The following CUX1 variants were observed in gnomAD, a reference collection of about 807,000 sequenced individuals.
CUX1 encodes the protein cut like homeobox 1, also known as protein CASP.
CUX1 carries 31 observed loss-of-function variants against 158.8 expected under a neutral mutation model. The observed-to-expected ratio is 0.20, with a 90% confidence interval of 0.15 to 0.26. The LOEUF is 0.26. CUX1 is among the 10% of genes least tolerant of loss of function. The probability of loss-of-function intolerance (pLI) is 1.00; values close to 1 mark genes in which losing one functional copy is unlikely to be tolerated. For synonymous variants in CUX1, 879 were observed against 862.1 expected (o/e 1.02, Z -0.34); for missense variants, 1,589 against 2,014.6 (o/e 0.79, Z 4.04).
Position 102,178,487 on chromosome 7 carries a change from C to G in CUX1, c.847C>G (p.Leu283Val). 2 of 1,608,304 alleles carry G rather than the reference C, an allele frequency of 1.2e-6. No homozygotes were observed. Among genetic ancestry groups the G allele is most frequent in the Non-Finnish European group, 1.7e-6 (2 of 1,175,460 alleles). ...TCCCCAGGAGCAGGCCATAGAGGTG[C>G]TGACCCGCTCCAGCCTAGAAGTTGA... is the stretch of plus-strand genomic sequence containing the variant. ...APDVEQAIEV[L>V]TRSSLEVELA... The change falls in exon 11 of 24, where the codon CTG (leucine) becomes GTG (valine). Residue 283 changes from leucine to valine, a missense_variant. By Grantham distance (32) the Leu-to-Val change is conservative. Transcript: ENST00000292535.
intron 8 of CUX1, among the ~76,000 whole-genome samples, chr7:102,150,310 C>T (rs181386265): frequency 6.6e-6 from 1 of 152,258 alleles, no homozygotes; most frequent in East Asian, 1.9e-4. Flanking sequence ...CGCTCGCCAC[C>T]ATGCCCGGCT....
Position 102,254,448 on chromosome 7 carries a change from C to A in CUX1, c.*5406C>A, listed in dbSNP as rs1301978141. 5 of 985,522 alleles carry A rather than the reference C, an allele frequency of 5.1e-6. No individual in the cohort carries two copies. The highest frequency in any genetic ancestry group is 6.0e-6 in the Non-Finnish European group (5 of 829,986). The allele number at this position is 985,522 out of a possible 1,614,324, so 61.0% of individuals were successfully genotyped here. The stretch of plus-strand genomic sequence containing the variant: ...ATGGCTTCCTCCAGCCTACACGCCC[C>A]GTCCACAGTGGCATCACCCTCTTAT... On this transcript the variant is annotated 3_prime_UTR_variant, in exon 24 of 24. Transcript: ENST00000292535.
At chr7:101,904,052 G>C (rs1371062110) in intron 1 of CUX1, among the ~76,000 whole-genome samples, 3 of 151,682 alleles carry the variant, frequency 2.0e-5, no homozygotes, top group Non-Finnish European at 4.4e-5. Flanking sequence ...CAGTACTTTG[G>C]GAGGCTGAGG....
At chr7:102,272,225 G>A (rs1203541131) in intron 14 of CUX1, among the ~76,000 whole-genome samples, 7 of 152,200 alleles carry the variant, frequency 4.6e-5, no homozygotes, top group Admixed American at 1.3e-4. Flanking sequence ...AGGAGCATGT[G>A]GGGGTGAGGC....
intron 9 of CUX1, among the ~76,000 whole-genome samples, chr7:102,167,339 G>T (rs1791163957): frequency 6.6e-6 from 1 of 152,036 alleles, no homozygotes; most frequent in South Asian, 2.1e-4. Flanking sequence ...TCAACAGCTA[G>T]ATCCCTTCTT....
At chr7:102,078,065 AATGTT>A (rs1826970205) in intron 4 of CUX1, among the ~76,000 whole-genome samples, 1 of 151,998 alleles carries the variant, frequency 6.6e-6, no homozygotes, top group Admixed American at 6.6e-5. Flanking sequence ...ACATCTTAGT[AATGTT>A]TTTGGGGGTT....
rs189205726 is a variant in CUX1 at position 102,067,325 on chromosome 7, G to A, written c.190-3014G>A. Reference sequence around the variant, plus strand: ...TCAGCTCACTGCATCCTCCACCTCCGGAGTACAAATGAAGCAATTCTCCTG... The same window carrying A: ...TCAGCTCACTGCATCCTCCACCTCCAGAGTACAAATGAAGCAATTCTCCTG... On this transcript the variant is annotated intron_variant, in intron 3 of 23. Transcript: ENST00000292535. Among the ~76,000 whole-genome samples, 688 of 138,382 alleles carry A rather than the reference G, an allele frequency of 5.0e-3. 5 individuals are homozygous for A. The highest frequency in any genetic ancestry group is 0.021 in the South Asian group (93 of 4,338). The allele number at this position is 138,382 out of a possible 152,430, so 90.8% of individuals were successfully genotyped here.
rs868956436 is a variant in CUX1, at chr7:102,253,670, G to A, written c.*4628G>A. ...GCAGAGAGATTTTGAACTGAGGGGC[G>A]ACAGCCTTTGCCTTAAATGCAGTAT... On this transcript the variant is annotated 3_prime_UTR_variant, in exon 24 of 24. Transcript: ENST00000292535. 29 of 985,018 alleles carry A rather than the reference G, an allele frequency of 2.9e-5. No homozygotes were observed. Among genetic ancestry groups the A allele is most frequent in the African/African-American group, 1.2e-4 (7 of 57,012 alleles). 61.0% of individuals were successfully genotyped at this position (985,018 alleles called of 1,614,324 possible). A position where few individuals can be genotyped will look rare whatever the true frequency, so the allele number is the denominator to read the frequency against.
At chr7:101,977,197 G>T (rs1249898285) in intron 2 of CUX1, among the ~76,000 whole-genome samples, 1 of 152,106 alleles carries the variant, frequency 6.6e-6, no homozygotes, top group Non-Finnish European at 1.5e-5. Flanking sequence ...ACAGGCGTGA[G>T]CCACTGCACC....
In CUX1 at chr7:102,110,228, G is replaced by A. The variant is rs189561350; in HGVS notation, c.531-1470G>A. 3.7e-4 allele frequency among the ~76,000 whole-genome samples: 56 copies of A among 152,018 alleles called. 2 individuals carry two copies. In the East Asian group the frequency reaches 6.2e-3, roughly 17 times the overall value. On this transcript the variant is annotated intron_variant, in intron 6 of 23. Coordinates refer to ENST00000292535, the MANE Select transcript of CUX1 (RefSeq NM_181552.4). Reference sequence around the variant, plus strand: ...ACTATAGTATCCTGCATATTAGTTCGTACTATGCTATAGTATATTTCATTC... The same window carrying A: ...ACTATAGTATCCTGCATATTAGTTCATACTATGCTATAGTATATTTCATTC...
chr7:101,917,186 G>A (rs1223493773), intron 2 of CUX1, among the ~76,000 whole-genome samples: 1 of 152,256 alleles, frequency 6.6e-6, no homozygotes, highest in East Asian at 1.9e-4. Context: ...TTCTAGGAGA[G>A]ATGCCCCTCT....
At chr7:102,278,698 T>TA (rs1791813449) in intron 18 of CUX1, among the ~76,000 whole-genome samples, 2 of 133,878 alleles carry the variant, frequency 1.5e-5, no homozygotes, top group South Asian at 2.3e-4. Context: ...TAAAATAAAA[T>TA]AATAAAATAG....
intron 1 of CUX1, among the ~76,000 whole-genome samples, chr7:101,911,372 ACCTTGG>A (rs757964017): frequency 0.013 from 1,603 of 121,278 alleles, 13 homozygotes; most frequent in Middle Eastern, 0.036. Flanking sequence ...GATGACCTGA[ACCTTGG>A]CCTTGGCCTT....
At chr7:101,941,785 T>C (rs1268634280) in intron 2 of CUX1, among the ~76,000 whole-genome samples, 3 of 152,224 alleles carry the variant, frequency 2.0e-5, no homozygotes, top group Admixed American at 2.0e-4. Flanking sequence ...GTGTTTTTAA[T>C]TACCCCACGA....
intron 3 of CUX1, among the ~76,000 whole-genome samples, chr7:102,029,343 G>C (rs990879047): frequency 5.3e-5 from 8 of 152,144 alleles, no homozygotes; most frequent in Admixed American, 5.2e-4. Context: ...CATGGGGGAA[G>C]GGACAGGAGA....
chr7:101,918,920 T>A (rs1804555175), intron 2 of CUX1, among the ~76,000 whole-genome samples: 1 of 152,148 alleles, frequency 6.6e-6, no homozygotes, highest in Admixed American at 6.5e-5. Context: ...GTAGCTGGGA[T>A]TACAGGCACA....
rs1203399033 is a variant in CUX1 at position 102,250,596 on chromosome 7, A to G, written c.*1554A>G. The G allele has an allele frequency of 3.0e-6, 3 of 985,316 alleles. No individual in the cohort carries two copies. Among genetic ancestry groups the G allele is most frequent in the Non-Finnish European group, 3.6e-6 (3 of 829,912 alleles). The allele number at this position is 985,316 out of a possible 1,614,324, so 61.0% of individuals were successfully genotyped here. On this transcript the variant is annotated 3_prime_UTR_variant, in exon 24 of 24. Transcript: ENST00000292535. Reference sequence around the variant, plus strand: ...TCCCATCCCTGTAGAAATGGCCCAAACTCACACCAAAACGTGGATGCTCTT... The same window carrying G: ...TCCCATCCCTGTAGAAATGGCCCAAGCTCACACCAAAACGTGGATGCTCTT...
At chr7:102,261,852 C>G (rs1790424337), downstream of CUX1, among the ~76,000 whole-genome samples, 1 of 152,300 alleles carries the variant, frequency 6.6e-6, no homozygotes, top group African/African-American at 2.4e-5. Context: ...CACGATGGCT[C>G]ACACCTGTAA....
Position 102,255,816 on chromosome 7 carries a change from C to G in CUX1, c.*6774C>G, listed in dbSNP as rs1789832307. On this transcript the variant is annotated 3_prime_UTR_variant, in exon 24 of 24. Coordinates refer to ENST00000292535, the MANE Select transcript of CUX1 (RefSeq NM_181552.4). ...TATAATTCTTTTTTCCCCCCTTTTC[C>G]TTCTTCTTTTTTATTATTTTATTAT... is the stretch of plus-strand genomic sequence containing the variant. 1 of 984,232 alleles carries G rather than the reference C, an allele frequency of 1.0e-6. No individual in the cohort carries two copies. The highest frequency in any genetic ancestry group is 4.7e-5 in the South Asian group (1 of 21,184). The allele number at this position is 984,232 out of a possible 1,614,324, so 61.0% of individuals were successfully genotyped here. A position where few individuals can be genotyped will look rare whatever the true frequency, so the allele number is the denominator to read the frequency against.
Sources: allele counts gnomAD v4.1 joint callset (sites outside exome capture counted in the v4.1 genomes callset), GRCh38; gene constraint gnomAD v4.1.1; transcripts MANE v1.5; gene names NCBI Gene and HGNC (gene_info 2026-07-23, HGNC 2026-07-21).